Variants in COLGALT2 observed in about 807,000 individuals in gnomAD.
COLGALT2 encodes the protein collagen beta(1-O)galactosyltransferase 2.
A neutral mutation model predicts 73.4 loss-of-function variants in COLGALT2; 49 were observed. That is an observed-to-expected ratio of 0.67 (90% CI 0.53 to 0.85). The LOEUF is 0.85. Among genes scored for constraint, COLGALT2 ranks in the 40% least tolerant of loss-of-function variants. The pLI, the probability that COLGALT2 is intolerant of heterozygous loss-of-function variation, is 0.00. For synonymous variants in COLGALT2, 295 were observed against 307.6 expected, an observed-to-expected ratio of 0.96 and a Z score of 0.43; for missense variants, 722 against 790.2, an observed-to-expected ratio of 0.91 and a Z score of 1.03.
In COLGALT2 at chr1:183,990,752, C is replaced by T. The variant is rs144869448; in HGVS notation, c.264-12232G>A. 8.9e-3 allele frequency among the ~76,000 whole-genome samples: 1,355 copies of T among 152,250 alleles called. 23 individuals carry two copies. Among genetic ancestry groups the T allele is most frequent in the African/African-American group, 0.03 (1,249 of 41,522 alleles). ...AGTCTGATGTGTTTGTGGAACTCCA[C>T]GTAAATTTGTTGGGCTAGGACTTAC... On this transcript the variant is annotated intron_variant, in intron 1 of 11. Transcript: ENST00000361927.
chr1:184,021,491 G>C (rs542042106), intron 1 of COLGALT2, among the ~76,000 whole-genome samples: 4 of 152,156 alleles, frequency 2.6e-5, no homozygotes, highest in Non-Finnish European at 4.4e-5. Flanking sequence ...GGACAAGTTT[G>C]GCCTCTCTTG....
chr1:183,956,525 CT>C (rs1670559351), intron 6 of COLGALT2, among the ~76,000 whole-genome samples: 2 of 152,194 alleles, frequency 1.3e-5, no homozygotes, highest in Admixed American at 1.3e-4. Context: ...CAGCTTCCTC[CT>C]GTTCATGATA....
At chr1:183,967,587 G>A (rs1353098718) in intron 5 of COLGALT2, among the ~76,000 whole-genome samples, 4 of 152,194 alleles carry the variant, frequency 2.6e-5, no homozygotes, top group Non-Finnish European at 4.4e-5. Context: ...TTCATACAAT[G>A]TATCATAATA....
intron 1 of COLGALT2, among the ~76,000 whole-genome samples, chr1:184,004,077 A>AT (rs1376074032): frequency 6.6e-6 from 1 of 152,160 alleles, no homozygotes; most frequent in East Asian, 1.9e-4. Flanking sequence ...AAACGGCATT[A>AT]TTTTTTTAAT....
rs552184755 is a variant in COLGALT2, at chr1:183,975,010, G to C, written c.492+87C>G. On this transcript the variant is annotated intron_variant, in intron 3 of 11. Coordinates refer to ENST00000361927, the MANE Select transcript of COLGALT2 (RefSeq NM_015101.4). ...ACTGCCTAATCAAAAAGGTTGTTTT[G>C]ATTGCTTCCATGGTTCTAGTTTTTG... is the stretch of plus-strand genomic sequence containing the variant. 4 of 906,504 alleles carry C rather than the reference G, an allele frequency of 4.4e-6. No individual in the cohort carries two copies. In the East Asian group the frequency reaches 7.5e-5, roughly 17 times the overall value. The allele number at this position is 906,504 out of a possible 1,614,324, so 56.2% of individuals were successfully genotyped here. A position where few individuals can be genotyped will look rare whatever the true frequency, so the allele number is the denominator to read the frequency against.
chr1:184,033,814 T>C (rs1649586979), intron 1 of COLGALT2, among the ~76,000 whole-genome samples: 1 of 152,172 alleles, frequency 6.6e-6, no homozygotes, highest in Non-Finnish European at 1.5e-5. Context: ...CTCTAGCCTG[T>C]GAGTGGATGA....
chr1:183,950,938 A>G, intron 8 of COLGALT2, 69 bp downstream of exon 8: 1 of 1,178,428 alleles, frequency 8.5e-7, no homozygotes, highest in Non-Finnish European at 1.3e-6. Flanking sequence ...ACCTGGGACT[A>G]ACTCTCTGTC....
intron 4 of COLGALT2, among the ~76,000 whole-genome samples, chr1:183,970,456 A>C (rs1437632145): frequency 6.6e-6 from 1 of 152,138 alleles, no homozygotes; most frequent in East Asian, 1.9e-4. Context: ...TCATGGTTAC[A>C]TTTCCTGTTG....
At chr1:183,953,104 G>C (rs1179719049) in intron 7 of COLGALT2, among the ~76,000 whole-genome samples, 1 of 152,180 alleles carries the variant, frequency 6.6e-6, no homozygotes, top group African/African-American at 2.4e-5. Context: ...TCCAGTCCCT[G>C]CCAGGACAAG....
intron 5 of COLGALT2, among the ~76,000 whole-genome samples, chr1:183,967,359 G>C (rs1413864988): frequency 1.3e-5 from 2 of 152,182 alleles, no homozygotes; most frequent in Non-Finnish European, 2.9e-5. Context: ...GGAAACACTT[G>C]GGAGTTCATC....
chr1:183,949,681 C>T (rs964464125), intron 8 of COLGALT2, among the ~76,000 whole-genome samples: 6 of 152,176 alleles, frequency 3.9e-5, no homozygotes, highest in African/African-American at 1.4e-4. Flanking sequence ...ACAATGGATT[C>T]TTAGGTATGA....
rs371890638 is a variant in COLGALT2 at position 183,954,799 on chromosome 1, A to C, written c.992T>G (p.Val331Gly). ...PPMEPSQYVSVVPKYPDKMGF... is the reference protein window; with the variant it reads ...PPMEPSQYVSGVPKYPDKMGF... Reference sequence around the variant, plus strand: ...CATCTTGTCTGGATATTTAGGGACAACTGAGACATACTGGGAGGGTTCCAT... The same window carrying C: ...CATCTTGTCTGGATATTTAGGGACACCTGAGACATACTGGGAGGGTTCCAT... Residue 331 changes from valine (V) to glycine (G), a missense_variant, in exon 7 of 12, where the codon GTT becomes GGT. Transcript: ENST00000361927. 84 of 1,613,396 alleles carry C rather than the reference A, an allele frequency of 5.2e-5. 1 individual carries two copies. Among genetic ancestry groups the C allele is most frequent in the Admixed American group, 8.3e-5 (5 of 59,958 alleles).
At chr1:183,930,545 A>C (rs1053821375) in intron 11 of COLGALT2, among the ~76,000 whole-genome samples, 10 of 148,268 alleles carry the variant, frequency 6.7e-5, no homozygotes, top group African/African-American at 2.5e-4. Flanking sequence ...CAAGCCACCA[A>C]TGCCCTGCTA....
At chr1:183,944,745 T>C (rs1670205506) in intron 9 of COLGALT2, among the ~76,000 whole-genome samples, 1 of 152,214 alleles carries the variant, frequency 6.6e-6, no homozygotes, top group Non-Finnish European at 1.5e-5. Context: ...CTGATTAACA[T>C]GGGTGTGTTG....
At chr1:184,014,072 T>C (rs552327519) in intron 1 of COLGALT2, among the ~76,000 whole-genome samples, 2 of 152,268 alleles carry the variant, frequency 1.3e-5, no homozygotes, top group East Asian at 3.9e-4. Flanking sequence ...AGGAGATCTC[T>C]AGGTCTTGAG....
chr1:184,020,382 G>T (rs755603018), intron 1 of COLGALT2, among the ~76,000 whole-genome samples: 44 of 152,318 alleles, frequency 2.9e-4, no homozygotes, highest in Admixed American at 6.5e-4. Context: ...TGTTGTTGAT[G>T]ATATTGAAAA....
At chr1:183,948,472 A>T (rs1670305550) in intron 8 of COLGALT2, among the ~76,000 whole-genome samples, 1 of 152,216 alleles carries the variant, frequency 6.6e-6, no homozygotes, top group South Asian at 2.1e-4. Context: ...GGCAAAAGTC[A>T]CATGTTCATC....
intron 1 of COLGALT2, among the ~76,000 whole-genome samples, chr1:184,017,917 G>A (rs1649058026): frequency 6.6e-6 from 1 of 152,124 alleles, no homozygotes. Context: ...TGTGAGCTCG[G>A]AATGAGTTAA....
At chr1:184,008,755 A>C (rs1672158055) in intron 1 of COLGALT2, among the ~76,000 whole-genome samples, 1 of 152,152 alleles carries the variant, frequency 6.6e-6, no homozygotes, top group African/African-American at 2.4e-5. Flanking sequence ...ATCAGTTTAA[A>C]CTTCCCGAAT....
Sources: allele counts gnomAD v4.1 joint callset (sites outside exome capture counted in the v4.1 genomes callset), GRCh38; gene constraint gnomAD v4.1.1; transcripts MANE v1.5; gene names NCBI Gene and HGNC (gene_info 2026-07-23, HGNC 2026-07-21).